The following PLCB1 variants were observed in gnomAD, a reference collection of about 807,000 sequenced individuals.
The protein encoded by PLCB1 is 1-phosphatidylinositol 4,5-bisphosphate phosphodiesterase beta-1.
A neutral mutation model predicts 161.8 loss-of-function variants in PLCB1; 46 were observed. The observed-to-expected ratio is 0.28, with a 90% confidence interval of 0.22 to 0.36. The LOEUF (loss-of-function observed/expected upper bound fraction) is 0.36, where lower values mean the gene tolerates loss of function less well. PLCB1 is among the 10% of genes least tolerant of loss of function. PLCB1 has a pLI of 1.00. For synonymous variants in PLCB1, 517 were observed against 503.7 expected (o/e 1.03, Z -0.35); for missense variants, 1,016 against 1,472.5 (o/e 0.69, Z 5.07).
At chr20:8,468,037 A>G (rs1331497770) in intron 3 of PLCB1, among the ~76,000 whole-genome samples, 1 of 152,202 alleles carries the variant, frequency 6.6e-6, no homozygotes, top group Non-Finnish European at 1.5e-5. Context: ...GTGTGGAACA[A>G]ATAAAACAAA....
chr20:8,272,618 A>G (rs561553722), intron 2 of PLCB1, among the ~76,000 whole-genome samples: 281 of 150,754 alleles, frequency 1.9e-3, no homozygotes, highest in Non-Finnish European at 2.8e-3. Context: ...CCCACATTAG[A>G]AAACTACACT....
chr20:8,607,531 C>A (rs749135575), intron 3 of PLCB1, among the ~76,000 whole-genome samples: 5 of 152,278 alleles, frequency 3.3e-5, no homozygotes, highest in East Asian at 3.9e-4. Context: ...CAAGCCAATC[C>A]GTTCCCACCC....
chr20:8,775,771 C>A (rs1047699182), intron 27 of PLCB1, among the ~76,000 whole-genome samples: 1 of 152,140 alleles, frequency 6.6e-6, no homozygotes, highest in Admixed American at 6.5e-5. Flanking sequence ...TAGGGTCTAC[C>A]TTAAATTTTC....
In PLCB1 at chr20:8,175,165, C is replaced by T. The variant is rs1008685765; in HGVS notation, c.177+24794C>T. ...ACACTTAAAAAATTTATAAAGAAAT[C>T]AAGATAAAATCCTAAAAAATATTTG... On this transcript the variant is annotated intron_variant, in intron 2 of 31. Coordinates refer to ENST00000338037, the MANE Select transcript of PLCB1 (RefSeq NM_015192.4). Among the ~76,000 whole-genome samples the T allele has an allele frequency of 5.3e-5, 8 of 151,708 alleles. No homozygotes were observed. The East Asian group carries it at 1.5e-3, about 29-fold the overall frequency.
At chr20:8,716,904 TGTAA>T (rs1270796916) in intron 13 of PLCB1, among the ~76,000 whole-genome samples, 1 of 152,190 alleles carries the variant, frequency 6.6e-6, no homozygotes, top group Non-Finnish European at 1.5e-5. Flanking sequence ...TCCATGCATT[TGTAA>T]GTGAGTTTAT....
chr20:8,331,424 T>G (rs1055741343), intron 2 of PLCB1, among the ~76,000 whole-genome samples: 3 of 152,208 alleles, frequency 2.0e-5, no homozygotes, highest in Admixed American at 6.5e-5. Context: ...TTTCTTTGTT[T>G]TTTGTTTTAT....
At chr20:8,623,076 T>G (rs1988230133) in intron 3 of PLCB1, among the ~76,000 whole-genome samples, 1 of 152,086 alleles carries the variant, frequency 6.6e-6, no homozygotes, top group Non-Finnish European at 1.5e-5. Flanking sequence ...GCCCCTTATC[T>G]TTCCTTCCTT....
chr20:8,653,712 A>G (rs1989378625), intron 7 of PLCB1, among the ~76,000 whole-genome samples: 3 of 152,054 alleles, frequency 2.0e-5, no homozygotes, highest in Admixed American at 2.0e-4. Context: ...TTTTAAATCA[A>G]GAAATATATA....
At chr20:8,317,319 A>G (rs769238188) in intron 2 of PLCB1, among the ~76,000 whole-genome samples, 2 of 152,172 alleles carry the variant, frequency 1.3e-5, no homozygotes, top group Non-Finnish European at 2.9e-5. Flanking sequence ...TATCCCCAGA[A>G]TGGATGATTC....
rs779029928 is a variant in PLCB1 at position 8,620,747 on chromosome 20, C to CAA, written c.247-7526_247-7525dup. Among the ~76,000 whole-genome samples the CAA allele has an allele frequency of 2.0e-3, 152 of 75,174 alleles. 2 individuals are homozygous for CAA. The highest frequency in any genetic ancestry group is 6.7e-3 in the African/African-American group (124 of 18,560). The allele number at this position is 75,174 out of a possible 152,430, so 49.3% of individuals were successfully genotyped here. ...GAGAAACTCTGTCCCCTGCCCCCAC[C>CAA]AAAAAAAAAAAAAAAAAAAAAAGAA... On this transcript the variant is annotated intron_variant, in intron 3 of 31. Coordinates refer to ENST00000338037, the MANE Select transcript of PLCB1 (RefSeq NM_015192.4).
At chr20:8,150,157 T>C in intron 1 of PLCB1, 137 bp from the exon 2 acceptor site, 1 of 439,346 alleles carries the variant, frequency 2.3e-6, no homozygotes. Flanking sequence ...AAATGCCATG[T>C]CTAATTTCTT....
At chr20:8,576,137 T>A (rs1219796131) in intron 3 of PLCB1, among the ~76,000 whole-genome samples, 1 of 152,222 alleles carries the variant, frequency 6.6e-6, no homozygotes, top group Non-Finnish European at 1.5e-5. Context: ...GGTCATCAAA[T>A]TAATAATTGA....
chr20:8,216,871 G>A (rs1254035926), intron 2 of PLCB1, among the ~76,000 whole-genome samples: 2 of 152,034 alleles, frequency 1.3e-5, no homozygotes, highest in Admixed American at 1.3e-4. Flanking sequence ...CAGAACCCTG[G>A]GCAAACCAAA....
At chr20:8,738,575 TA>T (rs921045389) in intron 20 of PLCB1, among the ~76,000 whole-genome samples, 23 of 151,236 alleles carry the variant, frequency 1.5e-4, no homozygotes, top group African/African-American at 4.6e-4. Flanking sequence ...AAACACAAAT[TA>T]AAAAAAAAGA....
At chr20:8,589,763 G>A (rs1223322424) in intron 3 of PLCB1, among the ~76,000 whole-genome samples, 3 of 151,810 alleles carry the variant, frequency 2.0e-5, no homozygotes, top group East Asian at 1.9e-4. Flanking sequence ...CTACAGATGT[G>A]TGCCACCATG....
intron 12 of PLCB1, among the ~76,000 whole-genome samples, chr20:8,715,615 A>G (rs1979263002): frequency 6.6e-6 from 1 of 152,058 alleles, no homozygotes; most frequent in Admixed American, 6.6e-5. Flanking sequence ...CACCTTTGCT[A>G]TTCTGTTATG....
intron 2 of PLCB1, among the ~76,000 whole-genome samples, chr20:8,150,782 G>C (rs1320561250): frequency 1.3e-5 from 2 of 152,086 alleles, no homozygotes; most frequent in East Asian, 3.9e-4. Flanking sequence ...CTTTTCCCCT[G>C]TGCTGTTCAT....
intron 3 of PLCB1, among the ~76,000 whole-genome samples, chr20:8,423,622 A>G (rs1769010208): frequency 1.3e-5 from 2 of 152,230 alleles, no homozygotes; most frequent in South Asian, 4.1e-4. Context: ...TCTGCTTTTA[A>G]GAATACTCAG....
chr20:8,860,161 C>T lies in PLCB1; in HGVS notation c.3424-21461C>T, dbSNP rs985384407. Among the ~76,000 whole-genome samples the T allele has an allele frequency of 1.2e-4, 18 of 152,300 alleles. 1 individual carries two copies. Among genetic ancestry groups the T allele is most frequent in the Admixed American group, 1.0e-3 (16 of 15,302 alleles). On this transcript the variant is annotated intron_variant, in intron 31 of 31. Transcript: ENST00000338037. The stretch of plus-strand genomic sequence containing the variant: ...GGAGAATTCACAGAGGTAATCCTTG[C>T]AGATAATCCCTGCTAATCATTTAAC...
Sources: allele counts gnomAD v4.1 joint callset (sites outside exome capture counted in the v4.1 genomes callset), GRCh38; gene constraint gnomAD v4.1.1; transcripts MANE v1.5; gene names NCBI Gene and HGNC (gene_info 2026-07-23, HGNC 2026-07-21).